DNM3: variants seen among roughly 807,000 people sequenced by gnomAD.
DNM3 encodes the protein dynamin-3.
In DNM3, 47 loss-of-function variants were observed where a neutral mutation model predicts 101.6. The ratio of observed to expected loss-of-function variants is 0.46; its 90% CI spans 0.37 to 0.59. DNM3 has a LOEUF of 0.59. Ranked by LOEUF, DNM3 falls within the 20% of genes least tolerant of loss-of-function variation. The pLI, the probability that DNM3 is intolerant of heterozygous loss-of-function variation, is 0.00. For missense variants in DNM3, 849 were observed against 1,085.7 expected (o/e 0.78, Z 3.06); for synonymous variants, 385 against 387.9 (o/e 0.99, Z 0.09).
chr1:172,330,903 C>G lies in DNM3; in HGVS notation c.1893+7563C>G, dbSNP rs115991029. 4.8e-3 allele frequency among the ~76,000 whole-genome samples: 729 copies of G among 152,252 alleles called. 7 individuals are homozygous for G. The highest frequency in any genetic ancestry group is 0.016 in the African/African-American group (664 of 41,548). ...TGGAAACTAAGCATCTGAGACCCTA[C>G]AAGCTTGACATAATTATGTAATCAT... On this transcript the variant is annotated intron_variant, in intron 17 of 20. Transcript: ENST00000627582.
chr1:172,054,563 G>C (rs544716748), intron 10 of DNM3, among the ~76,000 whole-genome samples: 16 of 151,552 alleles, frequency 1.1e-4, no homozygotes, highest in African/African-American at 3.9e-4. Flanking sequence ...CTTGGGAACC[G>C]ACATTCTTGG....
intron 14 of DNM3, among the ~76,000 whole-genome samples, chr1:172,182,689 C>G (rs941282877): frequency 6.6e-6 from 1 of 152,116 alleles, no homozygotes; most frequent in Admixed American, 6.6e-5. Flanking sequence ...TCCTCAGAGA[C>G]TGCCTGAAAA....
intron 12 of DNM3, among the ~76,000 whole-genome samples, chr1:172,085,848 C>T (rs2053493750): frequency 6.6e-6 from 1 of 152,078 alleles, no homozygotes; most frequent in Admixed American, 6.6e-5. Flanking sequence ...TAATTATATT[C>T]TATTGTAATA....
At chr1:172,299,718 T>C (rs2064346068) in intron 15 of DNM3, among the ~76,000 whole-genome samples, 1 of 152,216 alleles carries the variant, frequency 6.6e-6, no homozygotes, top group East Asian at 1.9e-4. Context: ...ATAACTTTGT[T>C]CTTTTTATGG....
intron 14 of DNM3, among the ~76,000 whole-genome samples, chr1:172,186,298 A>G (rs940311684): frequency 6.6e-6 from 1 of 152,056 alleles, no homozygotes; most frequent in Non-Finnish European, 1.5e-5. Flanking sequence ...ATGTGGAGAT[A>G]TAACCCAGAA....
intron 17 of DNM3, among the ~76,000 whole-genome samples, chr1:172,359,034 A>T (rs1037275161): frequency 6.6e-6 from 1 of 151,666 alleles, no homozygotes; most frequent in East Asian, 2.0e-4. Context: ...GTGAGATTTC[A>T]CCTGGTTGCC....
chr1:172,176,226 CAG>C (rs1225141625), intron 14 of DNM3, among the ~76,000 whole-genome samples: 1 of 151,598 alleles, frequency 6.6e-6, no homozygotes, highest in Non-Finnish European at 1.5e-5. Flanking sequence ...AAGCAGAAGT[CAG>C]AGAGGAGAGA....
At chr1:171,856,787 T>C (rs1036232193) in intron 1 of DNM3, among the ~76,000 whole-genome samples, 1 of 152,194 alleles carries the variant, frequency 6.6e-6, no homozygotes, top group Non-Finnish European at 1.5e-5. Context: ...TTTCTAGATA[T>C]CAAATCATGT....
chr1:172,337,828 T>C (rs1419780552), intron 17 of DNM3, among the ~76,000 whole-genome samples: 3 of 151,766 alleles, frequency 2.0e-5, no homozygotes, highest in African/African-American at 7.2e-5. Context: ...GGAATATGGC[T>C]TGGGAGTATT....
intron 1 of DNM3, chr1:171,864,768 A>T (rs1194654170): frequency 6.6e-6 from 1 of 152,200 alleles, no homozygotes; most frequent in African/African-American, 2.4e-5. Context: ...AATATTTGTA[A>T]ATAGTGTTTT....
At chr1:172,145,265 T>C (rs956595583) in intron 14 of DNM3, among the ~76,000 whole-genome samples, 3 of 152,004 alleles carry the variant, frequency 2.0e-5, no homozygotes, top group African/African-American at 7.2e-5. Flanking sequence ...CACTTTATTT[T>C]CTGGTATTTC....
At chr1:172,089,742 CA>C (rs1332920399) in intron 12 of DNM3, among the ~76,000 whole-genome samples, 1 of 152,110 alleles carries the variant, frequency 6.6e-6, no homozygotes, top group Non-Finnish European at 1.5e-5. Flanking sequence ...CATATTCTTA[CA>C]AGTGGTAGAT....
intron 2 of DNM3, among the ~76,000 whole-genome samples, chr1:171,955,284 G>T (rs114310869): frequency 6.6e-6 from 1 of 152,272 alleles, no homozygotes; most frequent in Non-Finnish European, 1.5e-5. Context: ...TGATAAATGT[G>T]CACTTATAAA....
chr1:172,111,038 AAAAAT>A (rs2055435407), intron 13 of DNM3, among the ~76,000 whole-genome samples: 1 of 152,268 alleles, frequency 6.6e-6, no homozygotes. Flanking sequence ...CTTGTCTCAA[AAAAAT>A]AAAATTAAAT....
At chr1:172,396,701 C>T (rs1391801861) in intron 20 of DNM3, among the ~76,000 whole-genome samples, 1 of 152,184 alleles carries the variant, frequency 6.6e-6, no homozygotes, top group Non-Finnish European at 1.5e-5. Context: ...TTGCTTCCAT[C>T]ATGTAAATAT....
intron 2 of DNM3, among the ~76,000 whole-genome samples, chr1:171,971,844 C>G (rs2044016852): frequency 6.6e-6 from 1 of 152,146 alleles, no homozygotes; most frequent in Admixed American, 6.5e-5. Context: ...ACAACATACT[C>G]TTGAGAGTCT....
chr1:172,028,102 C>A (rs1422116132), intron 4 of DNM3, among the ~76,000 whole-genome samples: 1 of 152,182 alleles, frequency 6.6e-6, no homozygotes, highest in African/African-American at 2.4e-5. Flanking sequence ...CACCCCAAAT[C>A]AACAGAATAT....
At chr1:172,107,145 C>G (rs959223305) in intron 13 of DNM3, among the ~76,000 whole-genome samples, 3 of 151,770 alleles carry the variant, frequency 2.0e-5, no homozygotes, top group Non-Finnish European at 4.4e-5. Context: ...CAGGCGTGAG[C>G]CACCGCGCCC....
chr1:172,082,819 G>A (rs2147748612), intron 12 of DNM3, among the ~76,000 whole-genome samples: 1 of 152,320 alleles, frequency 6.6e-6, no homozygotes, highest in Non-Finnish European at 1.5e-5. Context: ...ATGTTTTAGG[G>A]AGAACAGTCC....
Sources: gnomAD v4.1 joint callset for allele counts (sites outside exome capture counted in the v4.1 genomes callset) on GRCh38, gnomAD v4.1.1 for gene constraint, MANE v1.5 for transcripts, NCBI Gene and HGNC (gene_info 2026-07-23, HGNC 2026-07-21) for gene names.